The following SGCZ variants were observed in gnomAD, a reference collection of about 807,000 sequenced individuals.
The protein encoded by SGCZ is sarcoglycan zeta, also known as zeta-sarcoglycan.
In SGCZ, 40 loss-of-function variants were observed where a neutral mutation model predicts 41.3. That is an observed-to-expected ratio of 0.97 (90% CI 0.75 to 1.26). SGCZ has a LOEUF of 1.26. Among genes scored for constraint, SGCZ ranks in the 50% most tolerant of loss-of-function variants. The pLI, the probability that SGCZ is intolerant of heterozygous loss-of-function variation, is 0.00. For synonymous variants in SGCZ, 206 were observed against 137.5 expected (o/e 1.50, Z -3.49); for missense variants, 552 against 369.8 (o/e 1.49, Z -4.04).
chr8:14,833,366 A>C (rs1423747291), intron 1 of SGCZ, among the ~76,000 whole-genome samples: 1 of 152,130 alleles, frequency 6.6e-6, no homozygotes, highest in African/African-American at 2.4e-5. Context: ...CATTTTATTA[A>C]AATCCCAGAG....
chr8:14,107,532 T>C (rs1193771008), intron 6 of SGCZ, among the ~76,000 whole-genome samples: 1 of 152,234 alleles, frequency 6.6e-6, no homozygotes, highest in African/African-American at 2.4e-5. Flanking sequence ...CGTGGTCATT[T>C]ATAGCTTTCT....
intron 2 of SGCZ, among the ~76,000 whole-genome samples, chr8:14,390,461 T>A (rs1804730448): frequency 6.6e-6 from 1 of 151,962 alleles, no homozygotes; most frequent in South Asian, 2.1e-4. Flanking sequence ...TTTGCATATA[T>A]ATGTAGATAA....
At chr8:14,642,099 A>T (rs1315643263) in intron 1 of SGCZ, among the ~76,000 whole-genome samples, 1 of 151,638 alleles carries the variant, frequency 6.6e-6, no homozygotes, top group Admixed American at 6.6e-5. Context: ...ACTAATGGAA[A>T]AGCACCAGGA....
chr8:14,376,534 A>G (rs1163027272), intron 2 of SGCZ, among the ~76,000 whole-genome samples: 1 of 152,128 alleles, frequency 6.6e-6, no homozygotes, highest in Non-Finnish European at 1.5e-5. Context: ...TACAGAAGAA[A>G]TAGACTTTGA....
chr8:15,023,364 T>C (rs1803326367), intron 1 of SGCZ, among the ~76,000 whole-genome samples: 1 of 152,184 alleles, frequency 6.6e-6, no homozygotes, highest in African/African-American at 2.4e-5. Context: ...TGAAATGTGA[T>C]GCTGTTTACA....
intron 3 of SGCZ, among the ~76,000 whole-genome samples, chr8:14,266,279 C>T (rs1163042168): frequency 1.3e-5 from 2 of 152,042 alleles, no homozygotes; most frequent in African/African-American, 4.8e-5. Flanking sequence ...ACAAATATAA[C>T]AGGCATGTTC....
intron 2 of SGCZ, among the ~76,000 whole-genome samples, chr8:14,513,825 A>G (rs999869073): frequency 6.6e-6 from 1 of 152,086 alleles, no homozygotes; most frequent in African/African-American, 2.4e-5. Flanking sequence ...TCCTCCCTCT[A>G]TGAAAATGTC....
chr8:14,131,737 T>G (rs186150341), intron 5 of SGCZ, among the ~76,000 whole-genome samples: 1 of 152,192 alleles, frequency 6.6e-6, no homozygotes, highest in Non-Finnish European at 1.5e-5. Flanking sequence ...GATAACATTT[T>G]AGTCAGCAAC....
chr8:15,031,075 G>C (rs567353953), intron 1 of SGCZ, among the ~76,000 whole-genome samples: 1 of 152,138 alleles, frequency 6.6e-6, no homozygotes, highest in Admixed American at 6.5e-5. Context: ...GCGTGTGTGT[G>C]TGTGTGTGCG....
rs569281174 is a variant in SGCZ, at chr8:14,583,820, G to A, written c.40-28894C>T. Among the ~76,000 whole-genome samples, 126 of 129,820 alleles carry A rather than the reference G, an allele frequency of 9.7e-4. 4 individuals carry two copies. In the Middle Eastern group the frequency reaches 0.016, roughly 17 times the overall value. 85.2% of individuals were successfully genotyped at this position (129,820 alleles called of 152,430 possible). ...AATTTTATTCAAAATAATTTATATG[G>A]CAAAACATATATATATATATAAACA... On this transcript the variant is annotated intron_variant, in intron 1 of 7. Coordinates refer to ENST00000382080, the MANE Select transcript of SGCZ (RefSeq NM_139167.4).
intron 1 of SGCZ, among the ~76,000 whole-genome samples, chr8:14,794,915 A>C (rs973112262): frequency 6.6e-6 from 1 of 152,344 alleles, no homozygotes. Flanking sequence ...ATAACTGTCA[A>C]TGAAGAACAG....
intron 3 of SGCZ, chr8:14,309,004 T>G: frequency 1.9e-6 from 2 of 1,028,562 alleles, no homozygotes; most frequent in Non-Finnish European, 2.9e-6. Flanking sequence ...GCACCCGGCC[T>G]CAGCCTCACT....
At chr8:14,527,549 T>TA (rs1418575173) in intron 2 of SGCZ, among the ~76,000 whole-genome samples, 3 of 149,806 alleles carry the variant, frequency 2.0e-5, no homozygotes, top group Non-Finnish European at 4.4e-5. Flanking sequence ...CACCTTTTTT[T>TA]AAAAAAACAT....
rs530135623 is a variant in SGCZ, at chr8:15,042,812, G to A, written c.39+194773C>T. ...CCTCTCTTTCCACATCAAACAAGAA[G>A]AGTTTTCGCTCGGTCAAACCCAGGC... is the stretch of plus-strand genomic sequence containing the variant. On this transcript the variant is annotated intron_variant, in intron 1 of 7. Coordinates refer to ENST00000382080, the MANE Select transcript of SGCZ (RefSeq NM_139167.4). 3.3e-5 allele frequency among the ~76,000 whole-genome samples: 5 copies of A among 152,250 alleles called. No homozygotes were observed. In the South Asian group the frequency reaches 1.0e-3, roughly 32 times the overall value.
At chr8:14,831,380 A>G (rs1563300487) in intron 1 of SGCZ, among the ~76,000 whole-genome samples, 1 of 152,104 alleles carries the variant, frequency 6.6e-6, no homozygotes, top group African/African-American at 2.4e-5. Flanking sequence ...AAGATAATCT[A>G]TGTGTTATCT....
chr8:14,098,754 G>C (rs944346547), intron 7 of SGCZ, among the ~76,000 whole-genome samples: 1 of 152,142 alleles, frequency 6.6e-6, no homozygotes, highest in Non-Finnish European at 1.5e-5. Context: ...GTGGAGAAGA[G>C]GGCTCATGTG....
chr8:14,839,646 T>A (rs1237930929), intron 1 of SGCZ, among the ~76,000 whole-genome samples: 1 of 152,200 alleles, frequency 6.6e-6, no homozygotes, highest in Admixed American at 6.5e-5. Context: ...CTCCCTGATA[T>A]ACTGTAGTTT....
At chr8:14,708,580 C>A (rs1249674911) in intron 1 of SGCZ, among the ~76,000 whole-genome samples, 1 of 151,630 alleles carries the variant, frequency 6.6e-6, no homozygotes, top group African/African-American at 2.4e-5. Context: ...CTGTCCCTGA[C>A]CAACTTGGAA....
At chr8:14,658,566 C>G (rs183735883) in intron 1 of SGCZ, among the ~76,000 whole-genome samples, 1 of 152,144 alleles carries the variant, frequency 6.6e-6, no homozygotes, top group Non-Finnish European at 1.5e-5. Flanking sequence ...CACTTTGGTT[C>G]GCCCACTCCT....
Sources: gnomAD v4.1 joint callset for allele counts (sites outside exome capture counted in the v4.1 genomes callset) on GRCh38, gnomAD v4.1.1 for gene constraint, MANE v1.5 for transcripts, NCBI Gene and HGNC (gene_info 2026-07-23, HGNC 2026-07-21) for gene names.